UTS2R: variants seen among roughly 807,000 people sequenced by gnomAD.
UTS2R encodes urotensin 2 receptor, also known as urotensin-2 receptor.
For missense variants in UTS2R, 653 were observed against 562.2 expected, an observed-to-expected ratio of 1.16 and a Z score of -1.63; for synonymous variants, 335 against 280.9, an observed-to-expected ratio of 1.19 and a Z score of -1.93.
rs1183424169 is a variant in UTS2R, at chr17:82,377,182, C to A, written c.*1688C>A. Reference sequence around the variant, plus strand: ...GACCTTACCCCCAACCCTGTGCTCTCTGAAACATGTGCTGTGTCCACTCAG... The same window carrying A: ...GACCTTACCCCCAACCCTGTGCTCTATGAAACATGTGCTGTGTCCACTCAG... On this transcript the variant is annotated 3_prime_UTR_variant, in exon 3 of 3. Coordinates refer to ENST00000313135, the MANE Select transcript of UTS2R (RefSeq NM_018949.3). Among the ~76,000 whole-genome samples, 1 of 152,108 alleles carries A rather than the reference C, an allele frequency of 6.6e-6. No individual in the cohort carries two copies.
Position 82,375,325 on chromosome 17 carries a change from G to C in UTS2R, c.1001G>C (p.Gly334Ala), listed in dbSNP as rs756674855. 3.9e-6 allele frequency: 6 copies of C among 1,548,120 alleles called. No homozygotes were observed. The highest frequency in any genetic ancestry group is 1.7e-4 in the Middle Eastern group (1 of 5,844). ...CTGCGCGGCCGCGTGCGGGGCCCGG[G>C]CAGCGGGGGAGGCCGGGGGCCCGTT... The part of the protein sequence containing the change: ...DHLRGRVRGP[G>A]SGGGRGPVPS... Residue 334 changes from glycine to alanine, a missense_variant, in exon 3 of 3, where the codon GGC becomes GCC. Physicochemically the swap from Gly to Ala is moderately conservative, Grantham distance 60 (BLOSUM62 0). Coordinates refer to ENST00000313135, the MANE Select transcript of UTS2R (RefSeq NM_018949.3).
intron 2 of UTS2R, 63 bp from the exon 3 acceptor site, chr17:82,374,179 CG>C (rs2052469044): frequency 1.5e-6 from 1 of 656,576 alleles, no homozygotes; most frequent in Non-Finnish European, 2.6e-6. Flanking sequence ...TCTGTGGGAA[CG>C]AGGCCATCAC....
chr17:82,375,273 C>T lies in UTS2R; in HGVS notation c.949C>T (p.Leu317=), dbSNP rs138543419. 324 of 1,568,910 alleles carry T rather than the reference C, an allele frequency of 2.1e-4. 2 individuals carry two copies. The African/African-American group carries it at 3.7e-3, about 18-fold the overall frequency. Residue 317 remains leucine, a synonymous_variant, in exon 3 of 3, where the codon CTG becomes TTG. Coordinates refer to ENST00000313135, the MANE Select transcript of UTS2R (RefSeq NM_018949.3). Reference sequence around the variant, plus strand: ...CTGCGCCAACCCCTTCCTCTACACGCTGCTCACCAGGAACTACCGCGACCA... The same window carrying T: ...CTGCGCCAACCCCTTCCTCTACACGTTGCTCACCAGGAACTACCGCGACCA... ...NSCANPFLYT[L]LTRNYRDHLR... is the part of the protein sequence containing the mutation.
Position 82,375,181 on chromosome 17 carries a change from C to G in UTS2R, c.857C>G (p.Ala286Gly), listed in dbSNP as rs1421993718. 1 of 1,553,884 alleles carries G rather than the reference C, an allele frequency of 6.4e-7. No individual in the cohort carries two copies. The highest frequency in any genetic ancestry group is 1.2e-5 in the South Asian group (1 of 83,910). ...CAGCTGCTCGCCCAGTACCACCAGG[C>G]CCCGCTGGCGCCGCGGACGGCGCGC... Reference protein sequence around the residue: ...LWQLLAQYHQAPLAPRTARIV... With the variant: ...LWQLLAQYHQGPLAPRTARIV... The change falls in exon 3 of 3, where the codon GCC becomes GGC. Residue 286 changes from alanine (A) to glycine (G), a missense_variant. By Grantham distance (60) the Ala-to-Gly change is moderately conservative (BLOSUM62 0). Coordinates refer to ENST00000313135, the MANE Select transcript of UTS2R (RefSeq NM_018949.3).
Position 82,374,249 on chromosome 17 carries a change from C to A in UTS2R, c.-76C>A. On this transcript the variant is annotated 5_prime_UTR_variant, in exon 3 of 3. The change creates a new upstream start codon in the 5' untranslated region. Coordinates refer to ENST00000313135, the MANE Select transcript of UTS2R (RefSeq NM_018949.3). Reference sequence around the variant, plus strand: ...TTTGCTTCTTTCCCCACAGGCTGAGCTGGTTGCCCACAGGGGCCCCCGCCC... The same window carrying A: ...TTTGCTTCTTTCCCCACAGGCTGAGATGGTTGCCCACAGGGGCCCCCGCCC... The A allele has an allele frequency of 8.5e-7, 1 of 1,182,432 alleles. No homozygotes were observed. The highest frequency in any genetic ancestry group is 1.2e-6 in the Non-Finnish European group (1 of 865,008). The allele number at this position is 1,182,432 out of a possible 1,614,324, so 73.2% of individuals were successfully genotyped here.
chr17:82,374,272 C>T lies in UTS2R; in HGVS notation c.-53C>T. The stretch of plus-strand genomic sequence containing the variant: ...AGCTGGTTGCCCACAGGGGCCCCCG[C>T]CCCATCTCAGGGAGTGTCCACCCAG... On this transcript the variant is annotated 5_prime_UTR_variant, in exon 3 of 3. Transcript: ENST00000313135. 1 of 1,427,020 alleles carries T rather than the reference C, an allele frequency of 7.0e-7. No homozygotes were observed. Among genetic ancestry groups the T allele is most frequent in the Non-Finnish European group, 9.3e-7 (1 of 1,078,748 alleles). The allele number at this position is 1,427,020 out of a possible 1,614,324, so 88.4% of individuals were successfully genotyped here.
chr17:82,374,266 C>G lies in UTS2R; in HGVS notation c.-59C>G. On this transcript the variant is annotated 5_prime_UTR_variant, in exon 3 of 3. Coordinates refer to ENST00000313135, the MANE Select transcript of UTS2R (RefSeq NM_018949.3). ...AGGCTGAGCTGGTTGCCCACAGGGGCCCCCGCCCCATCTCAGGGAGTGTCC... is the reference window on the plus strand; with the variant it reads ...AGGCTGAGCTGGTTGCCCACAGGGGGCCCCGCCCCATCTCAGGGAGTGTCC... 7.2e-6 allele frequency: 10 copies of G among 1,389,774 alleles called. No individual in the cohort carries two copies. In the South Asian group the frequency reaches 8.7e-5, roughly 12 times the overall value. 86.1% of individuals were successfully genotyped at this position (1,389,774 alleles called of 1,614,324 possible).
chr17:82,374,353 G>T lies in UTS2R; in HGVS notation c.29G>T (p.Ser10Ile). The T allele has an allele frequency of 1.3e-6, 2 of 1,580,608 alleles. No individual in the cohort carries two copies. The highest frequency in any genetic ancestry group is 1.7e-6 in the Non-Finnish European group (2 of 1,170,618). MALTPESPSSFPGLAATGSS... is the reference protein window; with the variant it reads MALTPESPSIFPGLAATGSS... ...GCGCTGACCCCCGAGTCCCCGAGCA[G>T]CTTCCCTGGGCTGGCCGCCACTGGC... The change falls in exon 3 of 3, where the codon AGC becomes ATC. Residue 10 changes from serine (S) to isoleucine (I), a missense_variant. By Grantham distance (142) the Ser-to-Ile change is moderately radical. Transcript: ENST00000313135.
At chr17:82,373,896 G>T (rs554096145) in intron 2 of UTS2R, among the ~76,000 whole-genome samples, 3 of 152,250 alleles carry the variant, frequency 2.0e-5, no homozygotes, top group African/African-American at 7.2e-5. Context: ...GGCCTGGGGG[G>T]GCGCAATGGG....
chr17:82,374,194 G>C, intron 2 of UTS2R, 49 bp from the exon 3 acceptor site: 1 of 711,844 alleles, frequency 1.4e-6, no homozygotes, highest in Non-Finnish European at 2.3e-6. Flanking sequence ...CCATCACAGT[G>C]GCCTCCTGGG....
In UTS2R at chr17:82,376,571, C is replaced by T. The variant is rs558028183; in HGVS notation, c.*1077C>T. On this transcript the variant is annotated 3_prime_UTR_variant, in exon 3 of 3. Coordinates refer to ENST00000313135, the MANE Select transcript of UTS2R (RefSeq NM_018949.3). The stretch of plus-strand genomic sequence containing the variant: ...GCTCTGCTGGCAGGACTGTGGCCGG[C>T]GTCAGGAATAAGCATGCAGCGCTCT... 4.9e-4 allele frequency among the ~76,000 whole-genome samples: 74 copies of T among 152,316 alleles called. 2 individuals are homozygous for T. The highest frequency in any genetic ancestry group is 1.6e-3 in the African/African-American group (68 of 41,558).
intron 2 of UTS2R, among the ~76,000 whole-genome samples, chr17:82,373,643 G>T (rs188709570): frequency 6.6e-6 from 1 of 152,074 alleles, no homozygotes; most frequent in Non-Finnish European, 1.5e-5. Flanking sequence ...CCAGAACCTC[G>T]ACTGACTGAT....
chr17:82,376,814 G>A lies in UTS2R; in HGVS notation c.*1320G>A, dbSNP rs1028005934. Among the ~76,000 whole-genome samples, 1 of 152,174 alleles carries A rather than the reference G, an allele frequency of 6.6e-6. No homozygotes were observed. Among genetic ancestry groups the A allele is most frequent in the African/African-American group, 2.4e-5 (1 of 41,422 alleles). On this transcript the variant is annotated 3_prime_UTR_variant, in exon 3 of 3. Transcript: ENST00000313135. The stretch of plus-strand genomic sequence containing the variant: ...TCTGTTAAAATTGAAAGAGACTGAT[G>A]TCAGCCGCCCCGTCTGGGAGGGAGG...
chr17:82,374,786 G>C lies in UTS2R; in HGVS notation c.462G>C (p.Arg154=). The C allele has an allele frequency of 6.3e-7, 1 of 1,594,420 alleles. No individual in the cohort carries two copies. ...MSSERYAAVL[R]PLDTVQRPKG... ...GCGAGCGCTACGCTGCGGTGCTGCG[G>C]CCGCTGGACACCGTGCAGCGCCCCA... The change falls in exon 3 of 3, where the codon CGG becomes CGC. Residue 154 remains arginine (R), a synonymous_variant. Transcript: ENST00000313135.
chr17:82,376,872 C>T lies in UTS2R; in HGVS notation c.*1378C>T, dbSNP rs1326482276. 1.3e-5 allele frequency among the ~76,000 whole-genome samples: 2 copies of T among 152,222 alleles called. No homozygotes were observed. Among genetic ancestry groups the T allele is most frequent in the Non-Finnish European group, 2.9e-5 (2 of 68,034 alleles). On this transcript the variant is annotated 3_prime_UTR_variant, in exon 3 of 3. Transcript: ENST00000313135. ...GTCAGCCCCCCGCCCGGCCAGCCAC[C>T]CCGTCCGGGAGGTGAGGGGCGCCTC...
Position 82,375,576 on chromosome 17 carries a change from A to C in UTS2R, c.*82A>C. The stretch of plus-strand genomic sequence containing the variant: ...TCCCGGGAGCCCCCCCAACTCCCAA[A>C]TCACAGGCCCTGCCCCTCCTCCGTC... On this transcript the variant is annotated 3_prime_UTR_variant, in exon 3 of 3. Coordinates refer to ENST00000313135, the MANE Select transcript of UTS2R (RefSeq NM_018949.3). The C allele has an allele frequency of 3.6e-6, 2 of 552,092 alleles. No individual in the cohort carries two copies. Among genetic ancestry groups the C allele is most frequent in the Non-Finnish European group, 6.1e-6 (2 of 328,178 alleles). The allele number at this position is 552,092 out of a possible 1,614,324, so 34.2% of individuals were successfully genotyped here. A position where few individuals can be genotyped will look rare whatever the true frequency, so the allele number is the denominator to read the frequency against.
chr17:82,374,723 C>G lies in UTS2R; in HGVS notation c.399C>G (p.Thr133=), dbSNP rs202028060. 5.6e-6 allele frequency: 9 copies of G among 1,612,576 alleles called. No individual in the cohort carries two copies. In the Admixed American group the frequency reaches 1.5e-4, roughly 27 times the overall value. The part of the protein sequence containing the change: ...CRVLFGLDFL[T]MHASIFTLTV... Reference sequence around the variant, plus strand: ...TGCTCTTCGGCCTGGACTTCCTGACCATGCACGCCAGCATCTTCACGCTGA... The same window carrying G: ...TGCTCTTCGGCCTGGACTTCCTGACGATGCACGCCAGCATCTTCACGCTGA... Residue 133 remains threonine, a synonymous_variant, in exon 3 of 3, where the codon ACC becomes ACG. Transcript: ENST00000313135.
rs36120563 is a variant in UTS2R, at chr17:82,377,302, C to G, written c.*1808C>G. Among the ~76,000 whole-genome samples the G allele has an allele frequency of 0.18, 27,495 of 151,918 alleles. 3,212 individuals carry two copies. The highest frequency in any genetic ancestry group is 0.26 in the Non-Finnish European group (17,811 of 67,886). On this transcript the variant is annotated 3_prime_UTR_variant, in exon 3 of 3. Transcript: ENST00000313135. ...AGGAGTCATCACCACTCCCTAATCT[C>G]AAGTACCCAGGGACACAAACACTGC... is the stretch of plus-strand genomic sequence containing the variant.
Position 82,374,339 on chromosome 17 carries a change from C to A in UTS2R, c.15C>A (p.Pro5=). MALT[P]ESPSSFPGLA... is the part of the protein sequence containing the mutation. ...AGGGGTCAGAGATGGCGCTGACCCC[C>A]GAGTCCCCGAGCAGCTTCCCTGGGC... Residue 5 remains proline (P), a synonymous_variant, in exon 3 of 3, where the codon CCC becomes CCA. Transcript: ENST00000313135. 1.3e-6 allele frequency: 2 copies of A among 1,573,934 alleles called. No homozygotes were observed. The highest frequency in any genetic ancestry group is 1.7e-6 in the Non-Finnish European group (2 of 1,167,664).
Sources: allele counts gnomAD v4.1 joint callset (sites outside exome capture counted in the v4.1 genomes callset), GRCh38; gene constraint gnomAD v4.1.1; transcripts MANE v1.5; gene names NCBI Gene and HGNC (gene_info 2026-07-23, HGNC 2026-07-21).